The following FRMD3 variants were observed in gnomAD, a reference collection of about 807,000 sequenced individuals.
FRMD3 encodes the protein FERM domain-containing protein 3.
A neutral mutation model predicts 70.2 loss-of-function variants in FRMD3; 33 were observed. That is an observed-to-expected ratio of 0.47 (90% CI 0.36 to 0.63). The LOEUF (loss-of-function observed/expected upper bound fraction) is 0.63, where lower values mean the gene tolerates loss of function less well. Among genes scored for constraint, FRMD3 ranks in the 20% least tolerant of loss-of-function variants. FRMD3 has a pLI of 0.00. For synonymous variants in FRMD3, 279 were observed against 255.9 expected (o/e 1.09, Z -0.86); for missense variants, 632 against 711.4 (o/e 0.89, Z 1.27).
chr9:83,545,832 T>A, the FRMD3 span, among the ~76,000 whole-genome samples: 1 of 152,086 alleles, frequency 6.6e-6, no homozygotes, highest in African/African-American at 2.4e-5. Context: ...GATTTACACA[T>A]CCAGATACAA....
chr9:83,313,798 A>C, intron 6 of FRMD3, 51 bp from the exon 7 acceptor site: 1 of 1,328,570 alleles, frequency 7.5e-7, no homozygotes, highest in Non-Finnish European at 1.1e-6. Flanking sequence ...AAGAATAGAA[A>C]CTCGGAATCC....
chr9:83,375,637 A>G (rs917963117), intron 2 of FRMD3, among the ~76,000 whole-genome samples: 14 of 152,174 alleles, frequency 9.2e-5, no homozygotes, highest in African/African-American at 2.9e-4. Flanking sequence ...CCAATACCAC[A>G]TGTTCTCACT....
At chr9:83,448,254 G>A (rs1236777607) in intron 1 of FRMD3, among the ~76,000 whole-genome samples, 4 of 152,032 alleles carry the variant, frequency 2.6e-5, no homozygotes, top group African/African-American at 4.8e-5. Flanking sequence ...TTTGATGAGG[G>A]GCATACCCAC....
rs796140821 is a variant in FRMD3 at position 83,502,392 on chromosome 9, G to A, written c.147+35693C>T. Among the ~76,000 whole-genome samples the A allele has an allele frequency of 3.2e-4, 49 of 152,294 alleles. 1 individual carries two copies. Among genetic ancestry groups the A allele is most frequent in the African/African-American group, 1.1e-3 (47 of 41,556 alleles). ...CTAAAGTTTAGTTTGTAGAAGAGAT[G>A]TTCTGAGACTTGATATCTGCCTCTA... On this transcript the variant is annotated intron_variant, in intron 1 of 13. Transcript: ENST00000304195.
At chr9:83,562,900 C>G in the FRMD3 span, among the ~76,000 whole-genome samples, 2 of 151,668 alleles carry the variant, frequency 1.3e-5, no homozygotes, top group East Asian at 1.9e-4. Context: ...TGCCCCCCCC[C>G]CAGCACAGAG....
At chr9:83,441,969 A>G (rs979045724) in intron 1 of FRMD3, among the ~76,000 whole-genome samples, 22 of 152,316 alleles carry the variant, frequency 1.4e-4, no homozygotes, top group South Asian at 6.2e-4. Flanking sequence ...GAATAAATAT[A>G]ATCTGTTTCC....
At chr9:83,252,453 A>G (rs907024996) in intron 13 of FRMD3, among the ~76,000 whole-genome samples, 3 of 152,246 alleles carry the variant, frequency 2.0e-5, no homozygotes, top group Non-Finnish European at 4.4e-5. Flanking sequence ...CTGTGAACCA[A>G]CCATATAAAC....
chr9:83,432,514 G>A (rs1480374625), intron 1 of FRMD3, among the ~76,000 whole-genome samples: 1 of 152,158 alleles, frequency 6.6e-6, no homozygotes. Flanking sequence ...AAGGTTTTAT[G>A]TGTGCATTTC....
At chr9:83,423,585 CTTTTTTTTTTT>C (rs869226126) in intron 1 of FRMD3, among the ~76,000 whole-genome samples, 5 of 60,492 alleles carry the variant, frequency 8.3e-5, no homozygotes, top group Admixed American at 4.3e-4. Flanking sequence ...AGCCCTGTTT[CTTTTTTTTTTT>C]TTTTTTTTTT....
intron 10 of FRMD3, among the ~76,000 whole-genome samples, chr9:83,306,753 T>C (rs980231071): frequency 6.6e-6 from 1 of 151,974 alleles, no homozygotes; most frequent in African/African-American, 2.4e-5. Flanking sequence ...CCTCAGAGAG[T>C]TCAAACTGAT....
At chr9:83,374,918 C>T (rs543787685) in intron 2 of FRMD3, among the ~76,000 whole-genome samples, 75 of 152,320 alleles carry the variant, frequency 4.9e-4, no homozygotes, top group African/African-American at 1.3e-3. Flanking sequence ...AATATCAATA[C>T]TTACTGCAAT....
chr9:83,545,676 C>T, the FRMD3 span, among the ~76,000 whole-genome samples: 4 of 151,954 alleles, frequency 2.6e-5, no homozygotes, highest in South Asian at 4.1e-4. Context: ...ATTTTTTAAA[C>T]GAACAAAGCC....
chr9:83,280,574 T>C lies in FRMD3; in HGVS notation c.1195+10029A>G, dbSNP rs77715451. On this transcript the variant is annotated intron_variant, in intron 13 of 13. Coordinates refer to ENST00000304195, the MANE Select transcript of FRMD3 (RefSeq NM_174938.6). ...TTTGGCATGAACAGAGATTTCAGAG[T>C]TTCAAAAACATATCACCCCCGCCCC... Among the ~76,000 whole-genome samples, 53 of 152,148 alleles carry C rather than the reference T, an allele frequency of 3.5e-4. 1 individual carries two copies. The East Asian group carries it at 0.01, about 29-fold the overall frequency.
chr9:83,487,546 A>G (rs903695817), intron 1 of FRMD3, among the ~76,000 whole-genome samples: 2 of 152,224 alleles, frequency 1.3e-5, no homozygotes, highest in Non-Finnish European at 2.9e-5. Flanking sequence ...GTGAACTTCA[A>G]ATGCTACAAT....
Position 83,248,332 on chromosome 9 carries a change from G to A in FRMD3, c.1380C>T (p.Asp460=), listed in dbSNP as rs370549891. ...SASLLPTPVD[D]DEIDMLFDCP... ...AGTCAAAGAGCATGTCAATCTCATC[G>A]TCATCCACAGGGGTGGGGAGCAGGC... The change falls in exon 14 of 14, where the codon GAC becomes GAT. Residue 460 remains aspartate (D), a synonymous_variant. Coordinates refer to ENST00000304195, the MANE Select transcript of FRMD3 (RefSeq NM_174938.6). The A allele has an allele frequency of 4.0e-5, 64 of 1,614,062 alleles. No homozygotes were observed. The highest frequency in any genetic ancestry group is 1.6e-4 in the Middle Eastern group (1 of 6,062).
At chr9:83,402,080 A>G (rs1479669814) in intron 1 of FRMD3, among the ~76,000 whole-genome samples, 1 of 151,780 alleles carries the variant, frequency 6.6e-6, no homozygotes, top group Non-Finnish European at 1.5e-5. Context: ...GCATTCCATG[A>G]GTTTAGAGTT....
chr9:83,506,289 A>C (rs1373197031), intron 1 of FRMD3, among the ~76,000 whole-genome samples: 2 of 152,216 alleles, frequency 1.3e-5, no homozygotes, highest in African/African-American at 4.8e-5. Context: ...AAAGAAACCA[A>C]ATAATGGAAT....
chr9:83,451,352 C>CCACA lies in FRMD3; in HGVS notation c.148-61648_148-61645dup, dbSNP rs147154939. Among the ~76,000 whole-genome samples, 246 of 148,014 alleles carry CCACA rather than the reference C, an allele frequency of 1.7e-3. 1 individual carries two copies. The highest frequency in any genetic ancestry group is 5.3e-3 in the African/African-American group (213 of 40,130). ...GATAGAAATGTTAAACTGCCCCACT[C>CCACA]CACACACACACACACACAAGCACAC... is the stretch of plus-strand genomic sequence containing the variant. On this transcript the variant is annotated intron_variant, in intron 1 of 13. Transcript: ENST00000304195.
At chr9:83,566,366 A>C in the FRMD3 span, among the ~76,000 whole-genome samples, 8 of 152,164 alleles carry the variant, frequency 5.3e-5, no homozygotes, top group African/African-American at 1.9e-4. Flanking sequence ...GGGAGATAAA[A>C]TTCAAGTTGA....
Sources: gnomAD v4.1 joint callset for allele counts (sites outside exome capture counted in the v4.1 genomes callset) on GRCh38, gnomAD v4.1.1 for gene constraint, MANE v1.5 for transcripts, NCBI Gene and HGNC (gene_info 2026-07-23, HGNC 2026-07-21) for gene names.